Variants in CCDC171 observed in about 807,000 individuals in gnomAD.
CCDC171 encodes the protein coiled-coil domain containing 171, also known as coiled-coil domain-containing protein 171.
In CCDC171, 177 loss-of-function variants were observed where a neutral mutation model predicts 168.2. The ratio of observed to expected loss-of-function variants is 1.05; its 90% CI spans 0.93 to 1.19. The LOEUF is 1.19. Ranked by LOEUF, CCDC171 falls within the 50% of genes most tolerant of loss-of-function variation. CCDC171 has a pLI of 0.00. For synonymous variants in CCDC171, 687 were observed against 540.8 expected (o/e 1.27, Z -3.75); for missense variants, 1,991 against 1,539.0 (o/e 1.29, Z -4.91).
At chr9:16,029,444 G>C (rs2133037889) in intron 6 of CCDC171, among the ~76,000 whole-genome samples, 1 of 152,326 alleles carries the variant, frequency 6.6e-6, no homozygotes, top group East Asian at 1.9e-4. Context: ...GATGCTTGGA[G>C]GGCTGTGCTG....
intron 25 of CCDC171, among the ~76,000 whole-genome samples, chr9:15,943,652 C>A (rs1246457278): frequency 6.6e-6 from 1 of 151,950 alleles, no homozygotes; most frequent in African/African-American, 2.4e-5. Context: ...TTGAATCAAT[C>A]AATAAATTAT....
intron 7 of CCDC171, among the ~76,000 whole-genome samples, chr9:15,655,116 G>C (rs1013255027): frequency 2.6e-5 from 4 of 151,780 alleles, no homozygotes; most frequent in Non-Finnish European, 2.9e-5. Flanking sequence ...ACACCAACAT[G>C]GCACATGTAT....
At chr9:16,078,441 G>A in the CCDC171 span, among the ~76,000 whole-genome samples, 3 of 152,112 alleles carry the variant, frequency 2.0e-5, no homozygotes, top group African/African-American at 7.2e-5. Flanking sequence ...GTTGTGCCAA[G>A]AAAAAGAAAA....
chr9:15,702,853 T>G (rs369049421), intron 11 of CCDC171, among the ~76,000 whole-genome samples: 125 of 152,240 alleles, frequency 8.2e-4, no homozygotes, highest in African/African-American at 2.7e-3. Context: ...CTTCTGCAGC[T>G]TCCTCACCTC....
At chr9:15,874,702 T>C (rs1439091184) in intron 24 of CCDC171, 39 bp downstream of exon 24, 8 of 1,475,920 alleles carry the variant, frequency 5.4e-6, no homozygotes, top group Admixed American at 2.4e-5. Context: ...CTGAGACATA[T>C]AGAAAAATAA....
intron 23 of CCDC171, among the ~76,000 whole-genome samples, chr9:15,858,958 G>T (rs1033322217): frequency 1.3e-5 from 2 of 151,968 alleles, no homozygotes; most frequent in African/African-American, 4.8e-5. Context: ...TCCTTACCTT[G>T]TTCATGATTT....
At chr9:16,104,068 C>A in the CCDC171 span, among the ~76,000 whole-genome samples, 1 of 152,140 alleles carries the variant, frequency 6.6e-6, no homozygotes, top group Non-Finnish European at 1.5e-5. Context: ...CCTTCTGTAG[C>A]TTTCAGGGCC....
At chr9:16,002,160 G>C (rs1465600074) in intron 3 of CCDC171, among the ~76,000 whole-genome samples, 1 of 77,904 alleles carries the variant, frequency 1.3e-5, no homozygotes, top group African/African-American at 4.9e-5. Context: ...TTTTTTTGCT[G>C]TTATTTTAGA....
chr9:15,902,971 A>C lies in CCDC171; in HGVS notation c.3601-17299A>C, dbSNP rs193060250. The stretch of plus-strand genomic sequence containing the variant: ...GTCTGAGATCAAACTGCAAGGCGGC[A>C]GCGAGCTGGGGGAGGGGCGCTCGCC... On this transcript the variant is annotated intron_variant, in intron 24 of 25. Transcript: ENST00000380701. 6.7e-3 allele frequency among the ~76,000 whole-genome samples: 1,023 copies of C among 152,328 alleles called. 13 individuals are homozygous for C. The highest frequency in any genetic ancestry group is 0.027 in the Middle Eastern group (8 of 294).
intron 12 of CCDC171, 72 bp downstream of exon 12, chr9:15,721,947 C>G: frequency 4.6e-6 from 3 of 649,312 alleles, no homozygotes; most frequent in Non-Finnish European, 7.2e-6. Context: ...TTGCTTGTTA[C>G]AAAGGTCAAA....
chr9:15,624,708 A>G (rs546079442), intron 7 of CCDC171, among the ~76,000 whole-genome samples: 2 of 152,182 alleles, frequency 1.3e-5, no homozygotes, highest in East Asian at 3.9e-4. Context: ...AATCCAGTCT[A>G]TCATTGTTGG....
chr9:15,605,938 C>T (rs2043196641), intron 6 of CCDC171, among the ~76,000 whole-genome samples: 1 of 152,108 alleles, frequency 6.6e-6, no homozygotes, highest in South Asian at 2.1e-4. Flanking sequence ...CTTTCCCTTA[C>T]CTGTGGGGCA....
intron 16 of CCDC171, among the ~76,000 whole-genome samples, chr9:15,741,545 G>C (rs1166335587): frequency 6.6e-6 from 1 of 152,028 alleles, no homozygotes; most frequent in East Asian, 1.9e-4. Flanking sequence ...AGGCATTTGT[G>C]TTTTTCCTAC....
intron 3 of CCDC171, among the ~76,000 whole-genome samples, chr9:15,988,415 T>G (rs1403445147): frequency 6.6e-6 from 1 of 152,202 alleles, no homozygotes; most frequent in Non-Finnish European, 1.5e-5. Flanking sequence ...AGTTTTGGTC[T>G]TAGAAGTTTC....
At chr9:15,893,709 G>T (rs2131533877) in intron 24 of CCDC171, among the ~76,000 whole-genome samples, 1 of 152,258 alleles carries the variant, frequency 6.6e-6, no homozygotes, top group African/African-American at 2.4e-5. Flanking sequence ...TTAGAGAAAT[G>T]CAAACTAAAA....
chr9:16,078,093 C>T, the CCDC171 span, among the ~76,000 whole-genome samples: 1 of 129,746 alleles, frequency 7.7e-6, no homozygotes, highest in South Asian at 2.4e-4. Context: ...CACACACACA[C>T]ACACACTCAC....
chr9:15,695,266 CATGTGAAAATAACGTGAAAGA>C lies in CCDC171; in HGVS notation c.1250_1270del (p.Cys417_Glu423del). On this transcript the variant is annotated inframe_deletion, in exon 11 of 26. Coordinates refer to ENST00000380701, the MANE Select transcript of CCDC171 (RefSeq NM_173550.4). ...AAGCACCAGGCCTTCCTAGTAGAGA[CATGTGAAAATAACGTGAAAGA>C]ATTGGAATCGATCTTGGACAGCTTT... 1 of 1,614,012 alleles carries C rather than the reference CATGTGAAAATAACGTGAAAGA, an allele frequency of 6.2e-7. No homozygotes were observed.
At chr9:15,609,461 T>G (rs1007035500) in intron 6 of CCDC171, among the ~76,000 whole-genome samples, 1 of 152,146 alleles carries the variant, frequency 6.6e-6, no homozygotes, top group Non-Finnish European at 1.5e-5. Flanking sequence ...TTTATAGTTG[T>G]GATTGTTTTG....
intron 23 of CCDC171, among the ~76,000 whole-genome samples, chr9:15,854,355 A>C (rs1323086054): frequency 6.6e-6 from 1 of 151,314 alleles, no homozygotes; most frequent in African/African-American, 2.4e-5. Context: ...CGTCTATTTT[A>C]TCTAAGTTAT....
Sources: allele counts gnomAD v4.1 joint callset (sites outside exome capture counted in the v4.1 genomes callset), GRCh38; gene constraint gnomAD v4.1.1; transcripts MANE v1.5; gene names NCBI Gene and HGNC (gene_info 2026-07-23, HGNC 2026-07-21).